SYT1: variants seen among roughly 807,000 people sequenced by gnomAD.
SYT1 encodes synaptotagmin 1.
Under a neutral mutation model 44.8 loss-of-function variants are expected in SYT1, and 8 were observed. The ratio of observed to expected loss-of-function variants is 0.18; its 90% CI spans 0.10 to 0.32. The LOEUF (loss-of-function observed/expected upper bound fraction) is 0.32. Among genes scored for constraint, SYT1 ranks in the 10% least tolerant of loss-of-function variants. The pLI, the probability that SYT1 is intolerant of heterozygous loss-of-function variation, is 1.00. For synonymous variants in SYT1, 154 were observed against 188.8 expected (o/e 0.82, Z 1.51); for missense variants, 286 against 509.3 (o/e 0.56, Z 4.22).
intron 3 of SYT1, among the ~76,000 whole-genome samples, chr12:79,169,242 T>C (rs1258403416): frequency 3.3e-5 from 5 of 152,012 alleles, no homozygotes; most frequent in Admixed American, 6.6e-5. Flanking sequence ...CACAGAAGAA[T>C]AGTTAGCAAA....
chr12:79,318,853 G>C (rs1036993611), intron 8 of SYT1, among the ~76,000 whole-genome samples: 1 of 152,184 alleles, frequency 6.6e-6, no homozygotes, highest in Non-Finnish European at 1.5e-5. Context: ...AAAACAGAGT[G>C]AGATTAGAAT....
intron 1 of SYT1, among the ~76,000 whole-genome samples, chr12:78,916,864 A>G (rs948373188): frequency 3.3e-5 from 5 of 151,984 alleles, no homozygotes; most frequent in Admixed American, 2.0e-4. Context: ...ATTCTCACAG[A>G]TTCATTTCTT....
At position 79,034,056 on chromosome 12, in the gene SYT1, G is replaced by A. The variant is rs957937986; in HGVS notation, c.-83-13241G>A. Among the ~76,000 whole-genome samples, 83 of 151,456 alleles carry A rather than the reference G, an allele frequency of 5.5e-4. 1 individual carries two copies. The highest frequency in any genetic ancestry group is 1.9e-3 in the African/African-American group (79 of 41,336). The stretch of plus-strand genomic sequence containing the variant: ...TCTCATAAATTTATCCTGAAGGCAA[G>A]CCCACAATATTAAATCATCATGTGT... On this transcript the variant is annotated intron_variant, in intron 2 of 10. Transcript: ENST00000261205.
chr12:79,142,378 A>C (rs1299774476), intron 3 of SYT1, among the ~76,000 whole-genome samples: 1 of 152,188 alleles, frequency 6.6e-6, no homozygotes, highest in Non-Finnish European at 1.5e-5. Context: ...CTTTGTGGGG[A>C]TGGAGCTTAA....
intron 8 of SYT1, among the ~76,000 whole-genome samples, chr12:79,301,855 C>T (rs566818771): frequency 6.6e-6 from 1 of 152,244 alleles, no homozygotes; most frequent in South Asian, 2.1e-4. Flanking sequence ...TTTTGGTTTT[C>T]AGTTAGACTA....
At chr12:79,428,050 T>A (rs1869550996) in intron 9 of SYT1, among the ~76,000 whole-genome samples, 1 of 152,184 alleles carries the variant, frequency 6.6e-6, no homozygotes, top group Non-Finnish European at 1.5e-5. Flanking sequence ...TAATATTAAC[T>A]GTGTGACTGT....
intron 4 of SYT1, among the ~76,000 whole-genome samples, chr12:79,281,721 T>C (rs960168330): frequency 2.0e-5 from 3 of 152,224 alleles, no homozygotes; most frequent in African/African-American, 7.2e-5. Flanking sequence ...ACATGAATAT[T>C]ACTAATGTAT....
chr12:79,008,986 T>C (rs1871257233), intron 2 of SYT1, among the ~76,000 whole-genome samples: 1 of 152,178 alleles, frequency 6.6e-6, no homozygotes, highest in South Asian at 2.1e-4. Flanking sequence ...AACTTTAGCT[T>C]TGCTCTAACC....
intron 3 of SYT1, among the ~76,000 whole-genome samples, chr12:79,117,429 T>C (rs1879335345): frequency 1.3e-5 from 2 of 151,726 alleles, no homozygotes; most frequent in African/African-American, 4.8e-5. Flanking sequence ...CCACAGTGGA[T>C]GACTGCTGAC....
chr12:78,921,227 G>C (rs1243112544), intron 1 of SYT1, among the ~76,000 whole-genome samples: 1 of 151,870 alleles, frequency 6.6e-6, no homozygotes, highest in African/African-American at 2.4e-5. Flanking sequence ...CTTTAGAGTA[G>C]AAATTTTGGT....
At chr12:79,201,174 G>A (rs1030049469) in intron 3 of SYT1, among the ~76,000 whole-genome samples, 2 of 152,200 alleles carry the variant, frequency 1.3e-5, no homozygotes, top group Non-Finnish European at 2.9e-5. Flanking sequence ...TTCCCCATAC[G>A]TATTTTTTGG....
At chr12:78,875,519 A>G (rs1216904215) in intron 1 of SYT1, among the ~76,000 whole-genome samples, 1 of 151,706 alleles carries the variant, frequency 6.6e-6, no homozygotes, top group Admixed American at 6.6e-5. Flanking sequence ...GGTCAAATGA[A>G]GCAACCAGTA....
At chr12:78,958,720 T>G (rs1031959977) in intron 1 of SYT1, among the ~76,000 whole-genome samples, 1 of 151,682 alleles carries the variant, frequency 6.6e-6, no homozygotes, top group Non-Finnish European at 1.5e-5. Flanking sequence ...AAACTATGCA[T>G]TATTGTTTAT....
chr12:79,325,718 G>A (rs903328312), intron 8 of SYT1, among the ~76,000 whole-genome samples: 4 of 152,124 alleles, frequency 2.6e-5, no homozygotes, highest in Non-Finnish European at 4.4e-5. Context: ...ACCTGGGTTC[G>A]GATTGCCTCT....
chr12:79,053,662 T>C (rs1298201511), intron 3 of SYT1, among the ~76,000 whole-genome samples: 4 of 149,818 alleles, frequency 2.7e-5, no homozygotes, highest in Non-Finnish European at 5.9e-5. Context: ...TTAAAAATAA[T>C]TAAAATTTAT....
intron 3 of SYT1, among the ~76,000 whole-genome samples, chr12:79,055,576 AAAACTGTATTC>A (rs1333877101): frequency 2.0e-5 from 3 of 151,982 alleles, no homozygotes; most frequent in African/African-American, 7.2e-5. Context: ...CACTGGATAA[AAAACTGTATTC>A]AAGTGCTATT....
chr12:78,959,166 C>T (rs1227804858), intron 1 of SYT1, among the ~76,000 whole-genome samples: 2 of 152,000 alleles, frequency 1.3e-5, no homozygotes, highest in African/African-American at 4.8e-5. Flanking sequence ...ACCTGCTTAC[C>T]TCACAGTTAT....
Position 78,941,151 on chromosome 12 carries a change from C to T in SYT1, c.-216-36648C>T, listed in dbSNP as rs561341120. Among the ~76,000 whole-genome samples, 8 of 145,842 alleles carry T rather than the reference C, an allele frequency of 5.5e-5. No individual in the cohort carries two copies. In the South Asian group the frequency reaches 1.7e-3, roughly 32 times the overall value. On this transcript the variant is annotated intron_variant, in intron 1 of 10. Coordinates refer to ENST00000261205, the MANE Select transcript of SYT1 (RefSeq NM_005639.3). ...ACAGTGGCGCCATCTCCTCTCACTG[C>T]AAGCTCTGCCTCCCCAGTTCACGCC...
chr12:79,335,354 C>T (rs74107423), intron 8 of SYT1, among the ~76,000 whole-genome samples: 7,433 of 150,200 alleles, frequency 0.049, 387 homozygotes, highest in African/African-American at 0.13. Flanking sequence ...TTATGCCTTT[C>T]CTTTCCTTGT....
Sources: allele counts gnomAD v4.1 joint callset (sites outside exome capture counted in the v4.1 genomes callset), GRCh38; gene constraint gnomAD v4.1.1; transcripts MANE v1.5; gene names NCBI Gene and HGNC (gene_info 2026-07-23, HGNC 2026-07-21).